Variants in UBR3 observed in about 807,000 individuals in gnomAD.
UBR3 encodes the protein E3 ubiquitin-protein ligase UBR3.
A neutral mutation model predicts 243.2 loss-of-function variants in UBR3; 85 were observed. The observed-to-expected ratio is 0.35, with a 90% CI of 0.29 to 0.42. UBR3 has a LOEUF of 0.42. Ranked by LOEUF, UBR3 falls within the 10% of genes least tolerant of loss-of-function variation. The pLI, the probability that UBR3 is intolerant of heterozygous loss-of-function variation, is 1.00. For synonymous variants in UBR3, 748 were observed against 799.8 expected (o/e 0.94, Z 1.09); for missense variants, 1,686 against 2,300.8 (o/e 0.73, Z 5.47).
chr2:170,030,930 A>G (rs1281536655), intron 31 of UBR3, among the ~76,000 whole-genome samples: 1 of 152,042 alleles, frequency 6.6e-6, no homozygotes, highest in Non-Finnish European at 1.5e-5. Flanking sequence ...TCTGTTGCCT[A>G]TTTCAAAAAA....
chr2:170,037,025 T>G (rs1170879012), intron 31 of UBR3, among the ~76,000 whole-genome samples: 2 of 152,138 alleles, frequency 1.3e-5, no homozygotes, highest in Non-Finnish European at 2.9e-5. Context: ...ATGGGATGAT[T>G]TTTAAAACTA....
In UBR3 at chr2:169,986,695, G is replaced by T; in HGVS notation, c.3685G>T (p.Val1229Phe). ...PMEITTAEPQ[V>F]SEAVYDCVIC... Reference sequence around the variant, plus strand: ...GGAGATCACCACGGCAGAACCACAGGTTTCCGAGGCAGTATATGACTGTGT... The same window carrying T: ...GGAGATCACCACGGCAGAACCACAGTTTTCCGAGGCAGTATATGACTGTGT... Residue 1229 changes from valine (V) to phenylalanine (F), a missense_variant, in exon 25 of 39, where the codon GTT becomes TTT. Transcript: ENST00000272793. 1 of 1,613,804 alleles carries T rather than the reference G, an allele frequency of 6.2e-7. No homozygotes were observed. Among genetic ancestry groups the T allele is most frequent in the Non-Finnish European group, 8.5e-7 (1 of 1,179,834 alleles).
At position 169,968,773 on chromosome 2, in the gene UBR3, T is replaced by C. The variant is rs953654600; in HGVS notation, c.3634+10247T>C. Among the ~76,000 whole-genome samples, 3 of 152,214 alleles carry C rather than the reference T, an allele frequency of 2.0e-5. No homozygotes were observed. The East Asian group carries it at 5.8e-4, about 29-fold the overall frequency. ...TTTCTGAGGAACCTCCATACTGTTTTTCATAGTTGCTATACTAATTTACAT... is the reference window on the plus strand; with the variant it reads ...TTTCTGAGGAACCTCCATACTGTTTCTCATAGTTGCTATACTAATTTACAT... On this transcript the variant is annotated intron_variant, in intron 24 of 38. Coordinates refer to ENST00000272793, the MANE Select transcript of UBR3 (RefSeq NM_172070.4).
At chr2:169,886,706 A>T (rs372648237) in intron 5 of UBR3, among the ~76,000 whole-genome samples, 14 of 152,278 alleles carry the variant, frequency 9.2e-5, no homozygotes, top group African/African-American at 3.1e-4. Context: ...TTTAGCAGCT[A>T]TCCTAAATTG....
At chr2:169,900,684 G>T (rs2084787080) in intron 8 of UBR3, among the ~76,000 whole-genome samples, 1 of 151,136 alleles carries the variant, frequency 6.6e-6, no homozygotes, top group Non-Finnish European at 1.5e-5. Flanking sequence ...TATTACATGT[G>T]GTTTGCATTT....
Position 170,012,672 on chromosome 2 carries a change from G to GTTT in UBR3, c.4368-2609_4368-2608insTTT, listed in dbSNP as rs150182050. Among the ~76,000 whole-genome samples, 9 of 68,864 alleles carry GTTT rather than the reference G, an allele frequency of 1.3e-4. 1 individual carries two copies. Among genetic ancestry groups the GTTT allele is most frequent in the Non-Finnish European group, 1.9e-4 (5 of 26,788 alleles). 45.2% of individuals were successfully genotyped at this position (68,864 alleles called of 152,430 possible). On this transcript the variant is annotated intron_variant, in intron 29 of 38. Coordinates refer to ENST00000272793, the MANE Select transcript of UBR3 (RefSeq NM_172070.4). The stretch of plus-strand genomic sequence containing the variant: ...AGGCTGTGGTATGGATGAAGATACT[G>GTTT]GTTTTTTTTTTTTTTTCCCCCTGAG...
At position 170,015,289 on chromosome 2, in the gene UBR3, T is replaced by G; in HGVS notation, c.4376T>G (p.Leu1459Ter). Residue 1459 changes from leucine (L) to a stop codon, truncating the protein, a stop_gained, in exon 30 of 39, where the codon TTA becomes TGA. Coordinates refer to ENST00000272793, the MANE Select transcript of UBR3 (RefSeq NM_172070.4). LOFTEE classifies it high-confidence loss of function. ...TAATGTTTTACTTACAGAACCAATT[T>G]AGAACTTGAATTGATTCATCGAGGA... ...LFMYSVARTN[L>*]ELELIHRGGN... 1 of 1,609,986 alleles carries G rather than the reference T, an allele frequency of 6.2e-7. No homozygotes were observed. Among genetic ancestry groups the G allele is most frequent in the Non-Finnish European group, 8.5e-7 (1 of 1,177,926 alleles).
At chr2:169,943,578 G>A (rs1266948829) in intron 20 of UBR3, among the ~76,000 whole-genome samples, 1 of 152,128 alleles carries the variant, frequency 6.6e-6, no homozygotes, top group Non-Finnish European at 1.5e-5. Context: ...TCCAGCCTGG[G>A]TGACAGAGCA....
chr2:169,886,965 A>C lies in UBR3; in HGVS notation c.1039-4200A>C, dbSNP rs567976646. Among the ~76,000 whole-genome samples, 4 of 152,122 alleles carry C rather than the reference A, an allele frequency of 2.6e-5. No homozygotes were observed. In the East Asian group the frequency reaches 7.7e-4, roughly 29 times the overall value. On this transcript the variant is annotated intron_variant, in intron 5 of 38. Coordinates refer to ENST00000272793, the MANE Select transcript of UBR3 (RefSeq NM_172070.4). ...TTCTAGCCCTGTGTAGTCTGTGTTA[A>C]TATTCTTTGAGTATTGTTGTAACCA...
chr2:170,077,602 T>A, intron 36 of UBR3: 1 of 507,460 alleles, frequency 2.0e-6, no homozygotes. Context: ...TGGAATAACT[T>A]TGAGACAGAG....
At chr2:169,838,387 TTGTG>T (rs544974959) in intron 1 of UBR3, among the ~76,000 whole-genome samples, 8,054 of 113,468 alleles carry the variant, frequency 0.071, 233 homozygotes, top group Admixed American at 0.1. Context: ...ATTAAGGCAT[TTGTG>T]TGTGTGTGTG....
chr2:170,059,480 A>G (rs910157096), intron 33 of UBR3, among the ~76,000 whole-genome samples: 3 of 152,214 alleles, frequency 2.0e-5, no homozygotes, highest in Admixed American at 6.5e-5. Context: ...CTACAAATCT[A>G]TGGTAGTGTT....
At position 169,857,064 on chromosome 2, in the gene UBR3, GTTTTTTTTT is replaced by G. The variant is rs770674966; in HGVS notation, c.546-15153_546-15145del. ...ATGATTTCCAGCATAATTTTATTAT[GTTTTTTTTT>G]TTTTTTTTTTTTTTTTTTGAGACGG... On this transcript the variant is annotated intron_variant, in intron 1 of 38. Transcript: ENST00000272793. 2.3e-4 allele frequency among the ~76,000 whole-genome samples: 13 copies of G among 56,094 alleles called. 1 individual carries two copies. The highest frequency in any genetic ancestry group is 1.7e-3 in the East Asian group (2 of 1,150). 36.8% of individuals were successfully genotyped at this position (56,094 alleles called of 152,430 possible).
chr2:170,005,437 G>A (rs188983539), intron 27 of UBR3, among the ~76,000 whole-genome samples: 20 of 152,252 alleles, frequency 1.3e-4, no homozygotes, highest in African/African-American at 4.8e-4. Context: ...TAATATGAAG[G>A]CTTTGTTTGG....
chr2:169,963,326 A>G (rs968538366), intron 24 of UBR3, among the ~76,000 whole-genome samples: 5 of 152,078 alleles, frequency 3.3e-5, no homozygotes, highest in African/African-American at 1.2e-4. Context: ...TAATGGATAG[A>G]TCAATTCTTC....
chr2:170,075,209 A>G (rs912451889), intron 36 of UBR3, among the ~76,000 whole-genome samples: 1 of 152,092 alleles, frequency 6.6e-6, no homozygotes, highest in Non-Finnish European at 1.5e-5. Context: ...TTTTAAAAAA[A>G]AAGGGAAATT....
chr2:169,886,691 A>G (rs941785354), intron 5 of UBR3, among the ~76,000 whole-genome samples: 2 of 151,996 alleles, frequency 1.3e-5, no homozygotes, highest in Non-Finnish European at 2.9e-5. Flanking sequence ...GCTTTTTGTT[A>G]TTTTTTTAGC....
At chr2:169,918,098 A>G (rs2085534102) in intron 11 of UBR3, among the ~76,000 whole-genome samples, 1 of 152,028 alleles carries the variant, frequency 6.6e-6, no homozygotes, top group African/African-American at 2.4e-5. Flanking sequence ...TGACTTGCCT[A>G]TTGTTATGTA....
intron 11 of UBR3, among the ~76,000 whole-genome samples, chr2:169,916,884 C>T (rs368196105): frequency 1.7e-4 from 26 of 152,024 alleles, no homozygotes; most frequent in Non-Finnish European, 5.9e-5. Context: ...CAACCCCCAA[C>T]ATCTCAACCC....
Sources: gnomAD v4.1 joint callset for allele counts (sites outside exome capture counted in the v4.1 genomes callset) on GRCh38, gnomAD v4.1.1 for gene constraint, MANE v1.5 for transcripts, NCBI Gene and HGNC (gene_info 2026-07-23, HGNC 2026-07-21) for gene names.